AMZ1: variants seen among roughly 807,000 people sequenced by gnomAD.
AMZ1 encodes archaemetzincin-1.
Under a neutral mutation model 29.9 loss-of-function variants are expected in AMZ1, and 39 were observed. That is an observed-to-expected ratio of 1.30 (90% CI 1.01 to 1.70). The LOEUF is 1.70. Ranked by LOEUF, AMZ1 falls within the 40% of genes most tolerant of loss-of-function variation. The pLI is 0.00. For synonymous variants in AMZ1, 458 were observed against 304.0 expected (o/e 1.51, Z -5.27); for missense variants, 1,041 against 680.6 (o/e 1.53, Z -5.89).
At chr7:2,728,917 G>A (rs1413357218) in intron 4 of AMZ1, 2 of 152,408 alleles carry the variant, frequency 1.3e-5, no homozygotes, top group Non-Finnish European at 2.9e-5. Context: ...CGCTGAGCGG[G>A]TCAAGAGCCC....
chr7:2,719,244 C>T lies in AMZ1; in HGVS notation c.*6366C>T, dbSNP rs927119595. On this transcript the variant is annotated 3_prime_UTR_variant, in exon 7 of 7. Coordinates refer to ENST00000683327, the MANE Select transcript of AMZ1 (RefSeq NM_001384743.1). Reference sequence around the variant, plus strand: ...GGGGTGTCTCTTTATTCCTGCCATCCTCCGGCCGCCTCTCCCGCCTGCACC... The same window carrying T: ...GGGGTGTCTCTTTATTCCTGCCATCTTCCGGCCGCCTCTCCCGCCTGCACC... Among the ~76,000 whole-genome samples the T allele has an allele frequency of 6.6e-6, 1 of 152,192 alleles. No homozygotes were observed. The highest frequency in any genetic ancestry group is 1.5e-5 in the Non-Finnish European group (1 of 68,034).
intron 4 of AMZ1, among the ~76,000 whole-genome samples, chr7:2,745,300 A>G (rs1157874096): frequency 2.0e-5 from 3 of 152,264 alleles, no homozygotes; most frequent in Non-Finnish European, 4.4e-5. Flanking sequence ...AGGGAAGCCC[A>G]TCAGACTAAC....
intron 4 of AMZ1, among the ~76,000 whole-genome samples, 165 bp from the exon 5 acceptor site, chr7:2,708,910 G>A (rs571565230): frequency 5.3e-5 from 8 of 152,324 alleles, no homozygotes; most frequent in South Asian, 2.1e-4. Context: ...CAGCTGTGGC[G>A]TCTGCCCCAG....
rs777750879 is a variant in AMZ1 at position 2,719,022 on chromosome 7, TTTCCC to T, written c.*6145_*6149del. Among the ~76,000 whole-genome samples, 1 of 96,370 alleles carries T rather than the reference TTTCCC, an allele frequency of 1.0e-5. No homozygotes were observed. Among genetic ancestry groups the T allele is most frequent in the Non-Finnish European group, 2.2e-5 (1 of 45,688 alleles). The allele number at this position is 96,370 out of a possible 152,430, so 63.2% of individuals were successfully genotyped here. A position where few individuals can be genotyped will look rare whatever the true frequency, so the allele number is the denominator to read the frequency against. On this transcript the variant is annotated 3_prime_UTR_variant, in exon 7 of 7. Transcript: ENST00000683327. ...AGAACAGGCGACTTTTTTTTTTTTT[TTTCCC>T]CCCCATCTGAAGTGAGATCAAACTT...
rs1020387356 is a variant in AMZ1, at chr7:2,739,416, C to T, written n.551-25296C>T. Among the ~76,000 whole-genome samples the T allele has an allele frequency of 2.6e-5, 4 of 152,274 alleles. No individual in the cohort carries two copies. In the East Asian group the frequency reaches 5.8e-4, roughly 22 times the overall value. On this transcript the variant is annotated intron_variant and non_coding_transcript_variant, in intron 4 of 4. Coordinates refer to the AMZ1 transcript ENST00000489665. ...TTGTGTCTGGTTCTTTTACTTGGTG[C>T]GGCATTTCCGAGGCTCGCCCATGCT...
chr7:2,753,319 A>C (rs569990839), intron 4 of AMZ1, among the ~76,000 whole-genome samples: 25 of 152,112 alleles, frequency 1.6e-4, no homozygotes, highest in Admixed American at 5.2e-4. Flanking sequence ...ACGATTGGCT[A>C]ATTTTATTTT....
At chr7:2,744,400 A>C (rs948110919) in intron 4 of AMZ1, among the ~76,000 whole-genome samples, 4 of 152,208 alleles carry the variant, frequency 2.6e-5, no homozygotes, top group African/African-American at 9.6e-5. Flanking sequence ...CTGATACCCA[A>C]GCAAACAGGG....
intron 4 of AMZ1, among the ~76,000 whole-genome samples, chr7:2,741,020 G>C (rs1346402712): frequency 1.3e-5 from 2 of 152,092 alleles, no homozygotes; most frequent in African/African-American, 2.4e-5. Context: ...ACTCCTGCCT[G>C]GGCGACAGAG....
At chr7:2,756,797 C>T (rs1791320293) in intron 4 of AMZ1, among the ~76,000 whole-genome samples, 1 of 152,018 alleles carries the variant, frequency 6.6e-6, no homozygotes, top group African/African-American at 2.4e-5. Context: ...TTAAGTTAGT[C>T]AAAGAGGAGG....
rs112067403 is a variant in AMZ1 at position 2,735,650 on chromosome 7, C to T, written n.550+25834C>T. ...CAAACACTCACTGCTGCTTTCTCCA[C>T]GATGACTGAATGAGGATGGCTCATT... On this transcript the variant is annotated intron_variant and non_coding_transcript_variant, in intron 4 of 4. Transcript: ENST00000489665. Among the ~76,000 whole-genome samples, 9 of 152,344 alleles carry T rather than the reference C, an allele frequency of 5.9e-5. No individual in the cohort carries two copies. In the South Asian group the frequency reaches 6.2e-4, roughly 11 times the overall value.
rs1317020597 is a variant in AMZ1 at position 2,737,269 on chromosome 7, G to GTTT, written n.551-27441_551-27439dup. Among the ~76,000 whole-genome samples, 293 of 38,110 alleles carry GTTT rather than the reference G, an allele frequency of 7.7e-3. 38 individuals carry two copies. Among genetic ancestry groups the GTTT allele is most frequent in the East Asian group, 0.013 (13 of 1,004 alleles). The allele number at this position is 38,110 out of a possible 152,430, so 25.0% of individuals were successfully genotyped here. On this transcript the variant is annotated intron_variant and non_coding_transcript_variant, in intron 4 of 4. Transcript: ENST00000489665. ...CATTCAGGAGCTATCTCACAGTTTT[G>GTTT]TTTTGTTTTTTTTTTTTTTGTTTTT...
intron 4 of AMZ1, among the ~76,000 whole-genome samples, chr7:2,725,375 C>T (rs1429517096): frequency 6.6e-6 from 1 of 152,230 alleles, no homozygotes; most frequent in East Asian, 1.9e-4. Context: ...AGGATGCTTC[C>T]AGGGAGCAGT....
rs1484274773 is a variant in AMZ1, at chr7:2,700,345, T to G, written c.-107T>G. The G allele has an allele frequency of 1.5e-6, 2 of 1,349,548 alleles. No individual in the cohort carries two copies. The highest frequency in any genetic ancestry group is 2.0e-6 in the Non-Finnish European group (2 of 1,004,368). 83.6% of individuals were successfully genotyped at this position (1,349,548 alleles called of 1,614,324 possible). On this transcript the variant is annotated 5_prime_UTR_variant, in exon 2 of 7. Coordinates refer to ENST00000683327, the MANE Select transcript of AMZ1 (RefSeq NM_001384743.1). ...TCTGCAGGGAGCCCCCGGTAGCCAC[T>G]CGGATCAGCCCGAGGGAAGATTCTG... is the stretch of plus-strand genomic sequence containing the variant.
At chr7:2,701,154 C>G (rs1038028462) in intron 2 of AMZ1, among the ~76,000 whole-genome samples, 1 of 152,118 alleles carries the variant, frequency 6.6e-6, no homozygotes, top group African/African-American at 2.4e-5. Flanking sequence ...TCGCTTGAAC[C>G]TGGGAGACAG....
intron 1 of AMZ1, among the ~76,000 whole-genome samples, chr7:2,689,594 G>A (rs1274550611): frequency 1.3e-5 from 2 of 152,178 alleles, no homozygotes; most frequent in East Asian, 1.9e-4. Context: ...ACCAGGCCCC[G>A]CTGGCCCCCA....
chr7:2,729,068 C>A (rs560734635), intron 4 of AMZ1: 40 of 152,506 alleles, frequency 2.6e-4, no homozygotes, highest in African/African-American at 9.6e-4. Flanking sequence ...TTGACAAGGC[C>A]GGACTACTCA....
intron 3 of AMZ1, among the ~76,000 whole-genome samples, chr7:2,703,785 C>G (rs1788195041): frequency 1.3e-5 from 2 of 152,214 alleles, no homozygotes; most frequent in South Asian, 4.1e-4. Context: ...GTATATTAAT[C>G]CATCTTACTC....
At chr7:2,692,435 G>A (rs181824726) in intron 1 of AMZ1, among the ~76,000 whole-genome samples, 43 of 152,218 alleles carry the variant, frequency 2.8e-4, no homozygotes, top group Middle Eastern at 6.8e-3. Flanking sequence ...CCAGCTATTC[G>A]GGAGGCTGAG....
rs1049481827 is a variant in AMZ1 at position 2,731,824 on chromosome 7, C to G, written n.550+22008C>G. On this transcript the variant is annotated intron_variant and non_coding_transcript_variant, in intron 4 of 4. Transcript: ENST00000489665. The surrounding 1 kb of genome is among the most constrained non-coding windows in gnomAD (Gnocchi z 6.0). ...AGAGAAAATAGAAACAAAAAGATGG[C>G]AAAAAGATAAGAAGGAAAGAGACTG... 1.9e-5 allele frequency: 15 copies of G among 776,100 alleles called. No homozygotes were observed. The African/African-American group carries it at 2.2e-4, about 12-fold the overall frequency. The allele number at this position is 776,100 out of a possible 1,614,324, so 48.1% of individuals were successfully genotyped here. A position where few individuals can be genotyped will look rare whatever the true frequency, so the allele number is the denominator to read the frequency against.
Sources: allele counts gnomAD v4.1 joint callset (sites outside exome capture counted in the v4.1 genomes callset), GRCh38; gene constraint gnomAD v4.1.1; non-coding constraint Gnocchi (gnomAD v3.1); transcripts MANE v1.5; gene names NCBI Gene and HGNC (gene_info 2026-07-23, HGNC 2026-07-21).